The following SRPK2 variants were observed in gnomAD, a reference collection of about 807,000 sequenced individuals.
The protein encoded by SRPK2 is SFRS protein kinase 2.
In SRPK2, 21 loss-of-function variants were observed where a neutral mutation model predicts 90.8. The observed-to-expected ratio is 0.23, with a 90% CI of 0.16 to 0.33. The LOEUF (loss-of-function observed/expected upper bound fraction) is 0.33. Ranked by LOEUF, SRPK2 falls within the 10% of genes least tolerant of loss-of-function variation. The probability of loss-of-function intolerance (pLI) is 1.00; values close to 1 mark genes in which losing one functional copy is unlikely to be tolerated. For synonymous variants in SRPK2, 288 were observed against 311.1 expected (o/e 0.93, Z 0.78); for missense variants, 620 against 869.0 (o/e 0.71, Z 3.60).
rs189834118 is a variant in SRPK2 at position 105,149,545 on chromosome 7, A to G, written c.622-2887T>C. On this transcript the variant is annotated intron_variant, in intron 7 of 15. Coordinates refer to ENST00000393651, the MANE Select transcript of SRPK2 (RefSeq NM_182692.3). Reference sequence around the variant, plus strand: ...GCAGGTCCTTGGTATGCTGGGCGCCAGTCCCCTGGGCCCACTGTTGTTTCT... The same window carrying G: ...GCAGGTCCTTGGTATGCTGGGCGCCGGTCCCCTGGGCCCACTGTTGTTTCT... 6.3e-4 allele frequency among the ~76,000 whole-genome samples: 96 copies of G among 152,210 alleles called. No individual in the cohort carries two copies. In the East Asian group the frequency reaches 8.3e-3, roughly 13 times the overall value.
intron 2 of SRPK2, among the ~76,000 whole-genome samples, chr7:105,311,269 G>A (rs181113856): frequency 4.2e-4 from 64 of 151,642 alleles, no homozygotes; most frequent in African/African-American, 9.2e-4. Flanking sequence ...AGTTTCACTC[G>A]TCTCCCAGGC....
chr7:105,245,822 G>C (rs1480328609), intron 2 of SRPK2, among the ~76,000 whole-genome samples: 1 of 152,142 alleles, frequency 6.6e-6, no homozygotes, highest in Non-Finnish European at 1.5e-5. Flanking sequence ...GGGCTCAAGT[G>C]ATCCTCCCAC....
intron 2 of SRPK2, among the ~76,000 whole-genome samples, chr7:105,251,671 A>G (rs1176014202): frequency 6.6e-6 from 1 of 152,228 alleles, no homozygotes. Context: ...CTTCTCCTAC[A>G]GGCTAAAGAT....
intron 11 of SRPK2, among the ~76,000 whole-genome samples, chr7:105,136,565 CG>C (rs2129575672): frequency 1.3e-5 from 2 of 152,294 alleles, no homozygotes; most frequent in East Asian, 3.9e-4. Flanking sequence ...CCTTCTGATA[CG>C]CTAGTCTTTG....
intron 2 of SRPK2, among the ~76,000 whole-genome samples, chr7:105,292,497 CAAAAAAAAAAAAA>C (rs397889533): frequency 1.2e-4 from 9 of 74,792 alleles, no homozygotes; most frequent in East Asian, 4.3e-4. Context: ...GTAAGACTCT[CAAAAAAAAAAAAA>C]AAAAAAAAAA....
chr7:105,349,931 G>A (rs773475235), intron 2 of SRPK2, among the ~76,000 whole-genome samples: 12 of 151,050 alleles, frequency 7.9e-5, no homozygotes, highest in Non-Finnish European at 1.6e-4. Flanking sequence ...TAGAGATGGG[G>A]TTTCGCCATG....
chr7:105,338,294 A>G (rs1435865513), intron 2 of SRPK2, among the ~76,000 whole-genome samples: 4 of 152,120 alleles, frequency 2.6e-5, no homozygotes, highest in African/African-American at 9.7e-5. Context: ...AGGCTGCAGT[A>G]GCATGATCTC....
chr7:105,145,219 C>T, intron 9 of SRPK2, 64 bp downstream of exon 9: 1 of 1,289,160 alleles, frequency 7.8e-7, no homozygotes, highest in Non-Finnish European at 1.0e-6. Flanking sequence ...ATAATTTGAA[C>T]AACTCAATAA....
At chr7:105,399,193 G>C (rs1244301222) in exon 1 of SRPK2, 1 of 152,146 alleles carries the variant, frequency 6.6e-6, no homozygotes, top group Non-Finnish European at 1.5e-5. Flanking sequence ...CAGTTTAGCT[G>C]GTGAGTCAAG....
At chr7:105,155,023 C>G (rs1371606310) in intron 7 of SRPK2, among the ~76,000 whole-genome samples, 2 of 151,308 alleles carry the variant, frequency 1.3e-5, no homozygotes, top group Non-Finnish European at 2.9e-5. Context: ...TATTGTCACC[C>G]AGGCTGGAGT....
At chr7:105,396,610 A>AC (rs775137590) in intron 1 of SRPK2, among the ~76,000 whole-genome samples, 21 of 151,612 alleles carry the variant, frequency 1.4e-4, no homozygotes, top group Admixed American at 2.6e-4. Context: ...CAGCCTGGGC[A>AC]ACAGAGCGAC....
rs115793282 is a variant in SRPK2 at position 105,265,607 on chromosome 7, G to C, written c.72-61822C>G. Among the ~76,000 whole-genome samples, 442 of 152,132 alleles carry C rather than the reference G, an allele frequency of 2.9e-3. 2 individuals are homozygous for C. The highest frequency in any genetic ancestry group is 1.0e-2 in the African/African-American group (414 of 41,516). On this transcript the variant is annotated intron_variant, in intron 2 of 15. Coordinates refer to ENST00000393651, the MANE Select transcript of SRPK2 (RefSeq NM_182692.3). ...CTAAGAAAGGGCAAAATGAAGAAAC[G>C]AGAACTTGAAAACCTAGTTTTTTTA...
At position 105,355,878 on chromosome 7, in the gene SRPK2, G is replaced by A. The variant is rs549067665; in HGVS notation, c.71+32770C>T. On this transcript the variant is annotated intron_variant, in intron 2 of 15. Transcript: ENST00000393651. ...AGCCTGGCCCACATGGTGAAACCCC[G>A]TCTCTACAAAAAATACAAAAATTAG... is the stretch of plus-strand genomic sequence containing the variant. Among the ~76,000 whole-genome samples the A allele has an allele frequency of 1.8e-4, 27 of 151,778 alleles. No homozygotes were observed. In the South Asian group the frequency reaches 1.9e-3, roughly 11 times the overall value.
intron 8 of SRPK2, 109 bp downstream of exon 8, chr7:105,146,384 T>A: frequency 8.7e-7 from 1 of 1,146,592 alleles, no homozygotes; most frequent in Non-Finnish European, 1.2e-6. Context: ...ATTAAACTTT[T>A]CCAAAATCTT....
At chr7:105,263,101 T>C (rs1416737395) in intron 2 of SRPK2, among the ~76,000 whole-genome samples, 1 of 152,004 alleles carries the variant, frequency 6.6e-6, no homozygotes, top group Admixed American at 6.6e-5. Flanking sequence ...CTGAGGTGGG[T>C]GGACTGAGGT....
chr7:105,133,331 C>A (rs1802303128), intron 11 of SRPK2, among the ~76,000 whole-genome samples: 1 of 152,236 alleles, frequency 6.6e-6, no homozygotes, highest in Non-Finnish European at 1.5e-5. Context: ...GCCAAGGGCA[C>A]TGCCTTGACC....
In SRPK2 at chr7:105,330,029, T is replaced by C. The variant is rs191225509; in HGVS notation, c.71+58619A>G. Among the ~76,000 whole-genome samples the C allele has an allele frequency of 2.2e-3, 334 of 152,032 alleles. 1 individual carries two copies. The highest frequency in any genetic ancestry group is 7.7e-3 in the African/African-American group (320 of 41,468). ...CAACCTGGGCAACAGAGCGAGACTC[T>C]GTCTCAAAAAAATTAAAAATTAAAA... is the stretch of plus-strand genomic sequence containing the variant. On this transcript the variant is annotated intron_variant, in intron 2 of 15. Transcript: ENST00000393651.
intron 2 of SRPK2, among the ~76,000 whole-genome samples, chr7:105,331,333 A>C (rs865938139): frequency 2.1e-5 from 3 of 144,768 alleles, no homozygotes; most frequent in Non-Finnish European, 3.0e-5. Flanking sequence ...AAAAAAAAAA[A>C]AAAACAAATA....
chr7:105,148,741 G>A (rs1321546855), intron 7 of SRPK2, among the ~76,000 whole-genome samples: 2 of 152,172 alleles, frequency 1.3e-5, no homozygotes, highest in African/African-American at 2.4e-5. Context: ...CAACTGCTTT[G>A]CTGAGATGTT....
Sources: allele counts gnomAD v4.1 joint callset (sites outside exome capture counted in the v4.1 genomes callset), GRCh38; gene constraint gnomAD v4.1.1; transcripts MANE v1.5; gene names NCBI Gene and HGNC (gene_info 2026-07-23, HGNC 2026-07-21).